PCDHGA1: variants seen among roughly 807,000 people sequenced by gnomAD.
PCDHGA1 encodes protocadherin gamma-A1.
PCDHGA1 carries 32 observed loss-of-function variants against 58.0 expected under a neutral mutation model. The observed-to-expected ratio is 0.55, with a 90% CI of 0.42 to 0.74. The LOEUF is 0.74. Among genes scored for constraint, PCDHGA1 ranks in the 30% least tolerant of loss-of-function variants. The pLI is 0.00. For missense variants in PCDHGA1, 1,205 were observed against 1,182.3 expected, an observed-to-expected ratio of 1.02 and a Z score of -0.28; for synonymous variants, 498 against 501.1, an observed-to-expected ratio of 0.99 and a Z score of 0.08.
chr5:141,348,007 G>C (rs529602775), intron 1 of PCDHGA1, among the ~76,000 whole-genome samples: 1 of 152,300 alleles, frequency 6.6e-6, no homozygotes, highest in Non-Finnish European at 1.5e-5. Flanking sequence ...AGCCTCTGCG[G>C]GAGATTTCCA....
chr5:141,375,487 T>G, intron 1 of PCDHGA1: 1 of 1,613,830 alleles, frequency 6.2e-7, no homozygotes, highest in Non-Finnish European at 8.5e-7. Context: ...ACCCCAGGGG[T>G]GCCTCCATCT....
chr5:141,331,154 G>T lies in PCDHGA1; in HGVS notation c.470G>T (p.Gly157Val), dbSNP rs959132833. The change falls in exon 1 of 4, where the codon GGG (glycine) becomes GTG (valine). Residue 157 changes from glycine (G) to valine (V), a missense_variant. Gly to Val is a moderately radical substitution (Grantham distance 109). Transcript: ENST00000517417. ...GGTACCAGAGTCTCATTGCCTTTTG[G>T]GCAAGACCTTGATGTGGGTATGAAC... ...TPGTRVSLPF[G>V]QDLDVGMNSL... The T allele has an allele frequency of 1.2e-6, 2 of 1,614,076 alleles. No individual in the cohort carries two copies. The highest frequency in any genetic ancestry group is 1.1e-5 in the South Asian group (1 of 91,070).
intron 1 of PCDHGA1, chr5:141,422,727 G>T (rs373180311): frequency 6.3e-5 from 102 of 1,606,434 alleles, no homozygotes; most frequent in Non-Finnish European, 2.0e-5. Context: ...TCCAGGGGGT[G>T]CCTCTGTCCT....
intron 1 of PCDHGA1, chr5:141,356,903 CTACTGATGGCTCCACTGGTGTGGAG>C: frequency 6.2e-7 from 1 of 1,614,244 alleles, no homozygotes; most frequent in Non-Finnish European, 8.5e-7. Context: ...CCCACCTTCC[CTACTGATGGCTCCACTGGTGTGGAG>C]CTGGCACCCC....
At chr5:141,468,701 C>A (rs1186497330) in intron 1 of PCDHGA1, 2 of 151,628 alleles carry the variant, frequency 1.3e-5, no homozygotes, top group African/African-American at 2.4e-5. Flanking sequence ...CCCGTCTCTA[C>A]TAAAAATATA....
At chr5:141,392,732 T>C in intron 1 of PCDHGA1, 1 of 1,414,588 alleles carries the variant, frequency 7.1e-7, no homozygotes. Context: ...AGGATTGTCA[T>C]CTCCATAGCT....
At chr5:141,500,619 G>A (rs1230172485) in intron 2 of PCDHGA1, among the ~76,000 whole-genome samples, 1 of 152,072 alleles carries the variant, frequency 6.6e-6, no homozygotes, top group East Asian at 1.9e-4. Context: ...CCAGTCATAC[G>A]GTACATTTCC....
intron 1 of PCDHGA1, among the ~76,000 whole-genome samples, chr5:141,462,688 A>G (rs919098530): frequency 3.9e-5 from 6 of 152,126 alleles, no homozygotes; most frequent in African/African-American, 1.4e-4. Flanking sequence ...TTTTGAGCAC[A>G]TTTATAATGG....
rs1048686904 is a variant in PCDHGA1, at chr5:141,410,286, C to T, written c.2421+77181C>T. 3.7e-6 allele frequency: 6 copies of T among 1,613,916 alleles called. No homozygotes were observed. The African/African-American group carries it at 6.7e-5, about 18-fold the overall frequency. On this transcript the variant is annotated intron_variant, in intron 1 of 3. Transcript: ENST00000517417. Reference sequence around the variant, plus strand: ...GAACTGCAGTTTTACCTGGTGGTGGCCTTGGCCTTAATCTCAGTGCTCTTC... The same window carrying T: ...GAACTGCAGTTTTACCTGGTGGTGGTCTTGGCCTTAATCTCAGTGCTCTTC...
At chr5:141,414,497 A>C (rs757597548) in intron 1 of PCDHGA1, 4 of 1,613,922 alleles carry the variant, frequency 2.5e-6, no homozygotes, top group Non-Finnish European at 3.4e-6. Context: ...ACGGAAGCTC[A>C]CTTTATGCTA....
At chr5:141,430,877 G>T in intron 1 of PCDHGA1, 1 of 1,600,796 alleles carries the variant, frequency 6.2e-7, no homozygotes. Flanking sequence ...GGAAGAGCTG[G>T]AGAAAGGCTC....
rs1385408442 is a variant in PCDHGA1 at position 141,487,321 on chromosome 5, T to A, written c.2422-7486T>A. 1 of 1,614,198 alleles carries A rather than the reference T, an allele frequency of 6.2e-7. No homozygotes were observed. The highest frequency in any genetic ancestry group is 1.7e-5 in the Admixed American group (1 of 60,032). ...TCGTGGCACTACTCTCTAAGTGTCT[T>A]CGTGGGGCAGCCTGTGGAGTCACAT... is the stretch of plus-strand genomic sequence containing the variant. On this transcript the variant is annotated intron_variant, in intron 1 of 3. Transcript: ENST00000517417. This position sits in a 1 kb window ranked among gnomAD's most constrained non-coding sequence, Gnocchi z 5.0.
At chr5:141,393,167 G>A (rs889451396) in intron 1 of PCDHGA1, 9 of 1,613,166 alleles carry the variant, frequency 5.6e-6, no homozygotes, top group Non-Finnish European at 7.6e-6. Flanking sequence ...AACTCTTTGG[G>A]GTAGAAATAG....
intron 1 of PCDHGA1, chr5:141,388,021 T>G (rs933819691): frequency 6.9e-7 from 1 of 1,457,968 alleles, no homozygotes; most frequent in Non-Finnish European, 9.3e-7. Flanking sequence ...AAGGGCTCCG[T>G]AGTGGGGAAC....
In PCDHGA1 at chr5:141,332,225, T is replaced by C. The variant is rs1305129878; in HGVS notation, c.1541T>C (p.Leu514Pro). Residue 514 changes from leucine (L) to proline (P), a missense_variant, in exon 1 of 4, where the codon CTG (leucine) becomes CCG (proline). Physicochemically the swap from Leu to Pro is moderately conservative, Grantham distance 98. Transcript: ENST00000517417. The surrounding 1 kb of genome is among the most constrained non-coding windows in gnomAD (Gnocchi z 4.6). ...YLSINSDTGV[L>P]YALRSFDYEQ... is the part of the protein sequence containing the mutation. ...TCCATCAACTCCGACACTGGGGTCC[T>C]GTATGCGCTGCGATCCTTCGACTAT... 1 of 1,614,108 alleles carries C rather than the reference T, an allele frequency of 6.2e-7. No individual in the cohort carries two copies. The highest frequency in any genetic ancestry group is 8.5e-7 in the Non-Finnish European group (1 of 1,180,042).
intron 1 of PCDHGA1, among the ~76,000 whole-genome samples, chr5:141,460,620 C>G (rs185269852): frequency 5.6e-4 from 85 of 151,856 alleles, no homozygotes; most frequent in African/African-American, 1.9e-3. Context: ...GATAGATAGA[C>G]AGATACAGAT....
chr5:141,393,041 T>G, intron 1 of PCDHGA1: 2 of 1,613,702 alleles, frequency 1.2e-6, no homozygotes, highest in Non-Finnish European at 1.7e-6. Flanking sequence ...AGCTCTTTGC[T>G]CTGAACCCGC....
intron 1 of PCDHGA1, chr5:141,361,668 C>A: frequency 1.2e-6 from 2 of 1,613,670 alleles, no homozygotes; most frequent in Non-Finnish European, 1.7e-6. Flanking sequence ...GCGCGCAGAG[C>A]GGGGTGGTGT....
At chr5:141,399,933 C>T in intron 1 of PCDHGA1, 5 of 1,612,358 alleles carry the variant, frequency 3.1e-6, no homozygotes, top group Non-Finnish European at 1.7e-6. Context: ...GGCTGTCCTA[C>T]CACGTGCTGC....
Sources: allele counts gnomAD v4.1 joint callset (sites outside exome capture counted in the v4.1 genomes callset), GRCh38; gene constraint gnomAD v4.1.1; non-coding constraint Gnocchi (gnomAD v3.1); transcripts MANE v1.5; gene names NCBI Gene and HGNC (gene_info 2026-07-23, HGNC 2026-07-21).